The following XRCC4 variants were observed in gnomAD, a reference collection of about 807,000 sequenced individuals.
XRCC4 encodes the protein X-ray repair cross complementing 4.
A neutral mutation model predicts 39.1 loss-of-function variants in XRCC4; 28 were observed. The ratio of observed to expected loss-of-function variants is 0.72; its 90% CI spans 0.53 to 0.98. XRCC4 has a LOEUF of 0.98. Ranked by LOEUF, XRCC4 falls within the 50% of genes least tolerant of loss-of-function variation. The pLI, the probability that XRCC4 is intolerant of heterozygous loss-of-function variation, is 0.00. For missense variants in XRCC4, 350 were observed against 376.4 expected, an observed-to-expected ratio of 0.93 and a Z score of 0.58; for synonymous variants, 123 against 126.4, an observed-to-expected ratio of 0.97 and a Z score of 0.18.
At chr5:83,235,654 C>T (rs1359360567) in intron 6 of XRCC4, among the ~76,000 whole-genome samples, 1 of 151,990 alleles carries the variant, frequency 6.6e-6, no homozygotes, top group Non-Finnish European at 1.5e-5. Flanking sequence ...AGATCTGGAA[C>T]AAAAAAGGAT....
At chr5:83,366,951 C>T in the XRCC4 span, among the ~76,000 whole-genome samples, 1 of 152,148 alleles carries the variant, frequency 6.6e-6, no homozygotes, top group African/African-American at 2.4e-5. Context: ...TTAGACCTAG[C>T]ATACTATATA....
At chr5:83,164,579 T>G (rs1749371202) in intron 3 of XRCC4, among the ~76,000 whole-genome samples, 1 of 152,136 alleles carries the variant, frequency 6.6e-6, no homozygotes, top group Non-Finnish European at 1.5e-5. Flanking sequence ...ATCTTAAATG[T>G]TCTCACTACA....
chr5:83,320,322 C>T (rs1756015917), intron 7 of XRCC4, among the ~76,000 whole-genome samples: 1 of 139,974 alleles, frequency 7.1e-6, no homozygotes, highest in African/African-American at 2.7e-5. Flanking sequence ...CTAACCTGCA[C>T]AATGTGCACA....
At chr5:83,284,076 A>C (rs906402441) in intron 7 of XRCC4, among the ~76,000 whole-genome samples, 7 of 150,772 alleles carry the variant, frequency 4.6e-5, no homozygotes, top group Admixed American at 6.6e-5. Context: ...AAAAAAAAAA[A>C]AACGAATAAT....
chr5:83,204,962 A>T, intron 6 of XRCC4, 41 bp downstream of exon 6: 1 of 1,357,848 alleles, frequency 7.4e-7, no homozygotes, highest in Non-Finnish European at 1.0e-6. Flanking sequence ...TGAATATCTT[A>T]TTTGGGCTTC....
intron 3 of XRCC4, among the ~76,000 whole-genome samples, chr5:83,165,732 C>T (rs1252474385): frequency 6.6e-6 from 1 of 152,086 alleles, no homozygotes; most frequent in Non-Finnish European, 1.5e-5. Context: ...TGAGAATGCA[C>T]AGTATTTGGT....
the XRCC4 span, among the ~76,000 whole-genome samples, chr5:83,365,763 T>G: frequency 6.6e-6 from 1 of 152,100 alleles, no homozygotes; most frequent in Non-Finnish European, 1.5e-5. Flanking sequence ...ATGAGCAGAG[T>G]AAAACTGAGC....
chr5:83,107,983 A>G (rs1188018287), intron 2 of XRCC4, among the ~76,000 whole-genome samples: 1 of 151,824 alleles, frequency 6.6e-6, no homozygotes, highest in African/African-American at 2.4e-5. Context: ...ATATATAGGT[A>G]TCTGAAGGAA....
At chr5:83,223,152 C>A (rs943781533) in intron 6 of XRCC4, among the ~76,000 whole-genome samples, 2 of 152,104 alleles carry the variant, frequency 1.3e-5, no homozygotes, top group African/African-American at 4.8e-5. Flanking sequence ...GTGTATTCTG[C>A]AGCTGTTGGG....
intron 3 of XRCC4, among the ~76,000 whole-genome samples, chr5:83,148,406 C>T (rs925186576): frequency 6.6e-6 from 1 of 152,056 alleles, no homozygotes; most frequent in African/African-American, 2.4e-5. Context: ...TTAACTGTTA[C>T]TCTTCAGTTA....
chr5:83,157,604 G>T (rs985504790), intron 3 of XRCC4, among the ~76,000 whole-genome samples: 9 of 152,024 alleles, frequency 5.9e-5, no homozygotes, highest in African/African-American at 2.2e-4. Flanking sequence ...GCTTGCATCA[G>T]TAAAGCAAAG....
intron 7 of XRCC4, among the ~76,000 whole-genome samples, chr5:83,266,804 A>T (rs1163710622): frequency 1.3e-5 from 2 of 152,120 alleles, no homozygotes; most frequent in African/African-American, 4.8e-5. Context: ...ATGAAGATAA[A>T]TTATCAGTGT....
chr5:83,369,659 A>G, the XRCC4 span, among the ~76,000 whole-genome samples: 1 of 152,200 alleles, frequency 6.6e-6, no homozygotes, highest in African/African-American at 2.4e-5. Context: ...ATTGATGGGC[A>G]CCTGGGTTGA....
At chr5:83,241,011 G>A (rs918595466) in intron 6 of XRCC4, among the ~76,000 whole-genome samples, 5 of 152,084 alleles carry the variant, frequency 3.3e-5, no homozygotes, top group Non-Finnish European at 5.9e-5. Flanking sequence ...CGAGACGGGC[G>A]GATCAGTTGA....
At chr5:83,133,244 C>A (rs1170167989) in intron 3 of XRCC4, among the ~76,000 whole-genome samples, 4 of 152,260 alleles carry the variant, frequency 2.6e-5, no homozygotes, top group Middle Eastern at 6.8e-3. Flanking sequence ...GATGCTTCTT[C>A]TGGAAGCTTT....
At chr5:83,360,242 T>A in the XRCC4 span, among the ~76,000 whole-genome samples, 8,256 of 152,218 alleles carry the variant, frequency 0.054, 323 homozygotes, top group African/African-American at 0.11. Context: ...TTAGTAGAGT[T>A]CTAGATAATC....
chr5:83,348,399 T>A (rs1275477777), intron 7 of XRCC4, among the ~76,000 whole-genome samples: 2 of 152,236 alleles, frequency 1.3e-5, no homozygotes, highest in Non-Finnish European at 2.9e-5. Context: ...GCTCTTGCAC[T>A]CTGCACATCT....
At chr5:83,288,083 G>A (rs1754795635) in intron 7 of XRCC4, among the ~76,000 whole-genome samples, 1 of 151,752 alleles carries the variant, frequency 6.6e-6, no homozygotes, top group Non-Finnish European at 1.5e-5. Context: ...TTTTTCTGCT[G>A]TCTTTCTAGT....
intron 6 of XRCC4, 152 bp from the exon 7 acceptor site, chr5:83,258,378 G>A: frequency 1.2e-6 from 1 of 860,498 alleles, no homozygotes; most frequent in Non-Finnish European, 1.8e-6. Flanking sequence ...GCATCTAACT[G>A]ACTTGATTCA....
Sources: gnomAD v4.1 joint callset for allele counts (sites outside exome capture counted in the v4.1 genomes callset) on GRCh38, gnomAD v4.1.1 for gene constraint, MANE v1.5 for transcripts, NCBI Gene and HGNC (gene_info 2026-07-23, HGNC 2026-07-21) for gene names.